The following MRPL48 variants were observed in gnomAD, a reference collection of about 807,000 sequenced individuals.
MRPL48 encodes the protein large ribosomal subunit protein mL48.
MRPL48 carries 16 observed loss-of-function variants against 32.9 expected under a neutral mutation model. The ratio of observed to expected loss-of-function variants is 0.49; its 90% CI spans 0.33 to 0.74. The LOEUF (loss-of-function observed/expected upper bound fraction) is 0.74, where lower values mean the gene tolerates loss of function less well. Ranked by LOEUF, MRPL48 falls within the 30% of genes least tolerant of loss-of-function variation. MRPL48 has a pLI of 0.02. For missense variants in MRPL48, 206 were observed against 245.3 expected, an observed-to-expected ratio of 0.84 and a Z score of 1.07; for synonymous variants, 94 against 89.2, an observed-to-expected ratio of 1.05 and a Z score of -0.31.
At chr11:73,808,900 G>A (rs1298818635) in intron 3 of MRPL48, among the ~76,000 whole-genome samples, 2 of 151,876 alleles carry the variant, frequency 1.3e-5, no homozygotes, top group East Asian at 3.9e-4. Flanking sequence ...TCCAGCCTGG[G>A]GGACAAGAGC....
At chr11:73,853,744 G>A (rs576050029) in intron 5 of MRPL48, among the ~76,000 whole-genome samples, 71 of 131,686 alleles carry the variant, frequency 5.4e-4, no homozygotes, top group Middle Eastern at 4.6e-3. Context: ...AGGCTAGAGT[G>A]CAGTGGCGCG....
Position 73,835,037 on chromosome 11 carries a change from TGCCCAG to T in MRPL48, c.201+9244_201+9249del, listed in dbSNP as rs1472722101. Among the ~76,000 whole-genome samples the T allele has an allele frequency of 3.3e-5, 5 of 151,866 alleles. No homozygotes were observed. The East Asian group carries it at 9.7e-4, about 29-fold the overall frequency. On this transcript the variant is annotated intron_variant, in intron 4 of 7. Coordinates refer to ENST00000310614, the MANE Select transcript of MRPL48 (RefSeq NM_016055.6). ...TTGTGGAGATGGGGTCTTGCCATGT[TGCCCAG>T]GCTTGTCTCAAACTTCTGGGCTCAA...
intron 5 of MRPL48, chr11:73,845,273 G>A: frequency 4.3e-6 from 1 of 233,494 alleles, no homozygotes; most frequent in Non-Finnish European, 8.2e-6. Context: ...CACACAGTAT[G>A]TAGCTGTTTG....
At chr11:73,812,087 C>T (rs571062006) in intron 3 of MRPL48, among the ~76,000 whole-genome samples, 4 of 152,176 alleles carry the variant, frequency 2.6e-5, no homozygotes, top group African/African-American at 9.6e-5. Context: ...GGGGTTTCAC[C>T]GTGTTAGCCA....
intron 4 of MRPL48, among the ~76,000 whole-genome samples, chr11:73,828,767 T>G (rs1338260969): frequency 6.6e-6 from 1 of 152,056 alleles, no homozygotes; most frequent in Non-Finnish European, 1.5e-5. Flanking sequence ...TTTTTTTTTT[T>G]TTTAAATACT....
intron 3 of MRPL48, among the ~76,000 whole-genome samples, chr11:73,813,780 G>A (rs1301096397): frequency 1.3e-5 from 2 of 151,990 alleles, no homozygotes; most frequent in East Asian, 1.9e-4. Context: ...GGTGGCTCAC[G>A]CCTGTAATCC....
chr11:73,806,083 T>G (rs1947447174), intron 2 of MRPL48, among the ~76,000 whole-genome samples: 1 of 152,114 alleles, frequency 6.6e-6, no homozygotes, highest in African/African-American at 2.4e-5. Flanking sequence ...ACCTTTGTCT[T>G]CTGTTCTTCA....
intron 4 of MRPL48, among the ~76,000 whole-genome samples, chr11:73,831,588 G>A (rs1401337629): frequency 1.2e-5 from 1 of 82,340 alleles, no homozygotes; most frequent in Non-Finnish European, 2.6e-5. Context: ...TAAAGGCCCT[G>A]CATCATTCAG....
At chr11:73,856,091 T>G (rs1470417432) in intron 5 of MRPL48, among the ~76,000 whole-genome samples, 1 of 152,174 alleles carries the variant, frequency 6.6e-6, no homozygotes, top group East Asian at 1.9e-4. Context: ...TTGGATTGAA[T>G]TCTAACAGGC....
chr11:73,858,566 C>T (rs965482350), intron 5 of MRPL48, among the ~76,000 whole-genome samples: 1 of 152,172 alleles, frequency 6.6e-6, no homozygotes, highest in Non-Finnish European at 1.5e-5. Flanking sequence ...TGAGCCACCG[C>T]GCCTGGCCTA....
At chr11:73,850,867 G>A (rs543407556) in intron 5 of MRPL48, 28 of 236,646 alleles carry the variant, frequency 1.2e-4, no homozygotes, top group African/African-American at 2.1e-4. Flanking sequence ...TGGTAGAGAC[G>A]GGGTTTCACC....
intron 3 of MRPL48, among the ~76,000 whole-genome samples, chr11:73,812,717 AATATAT>A (rs370608269): frequency 1.3e-4 from 18 of 135,560 alleles, no homozygotes; most frequent in African/African-American, 4.0e-4. Flanking sequence ...CCCATGTCTA[AATATAT>A]ATATATATAT....
intron 3 of MRPL48, among the ~76,000 whole-genome samples, chr11:73,820,900 G>A (rs577955645): frequency 4.6e-5 from 7 of 152,154 alleles, no homozygotes; most frequent in African/African-American, 1.7e-4. Flanking sequence ...TTTTTTCACA[G>A]AGGCCTTCCC....
intron 5 of MRPL48, among the ~76,000 whole-genome samples, chr11:73,850,128 T>C (rs564163986): frequency 1.3e-5 from 2 of 151,406 alleles, no homozygotes; most frequent in African/African-American, 4.8e-5. Context: ...AAATGTAGCT[T>C]AGGTAATCTG....
At chr11:73,855,199 A>G (rs756813290) in intron 5 of MRPL48, among the ~76,000 whole-genome samples, 3 of 151,938 alleles carry the variant, frequency 2.0e-5, no homozygotes, top group Non-Finnish European at 4.4e-5. Context: ...CTATTCTTCT[A>G]ACCGGTTCTC....
At chr11:73,822,387 A>T (rs1023213240) in intron 3 of MRPL48, among the ~76,000 whole-genome samples, 3 of 152,178 alleles carry the variant, frequency 2.0e-5, no homozygotes, top group African/African-American at 7.2e-5. Context: ...TAAGGTGATT[A>T]TCTGCTTTCC....
At chr11:73,794,190 A>ATCTATCTGTCTATCTG (rs57974546) in intron 1 of MRPL48, among the ~76,000 whole-genome samples, 1 of 146,680 alleles carries the variant, frequency 6.8e-6, no homozygotes, top group Admixed American at 6.8e-5. Context: ...CCCTGTATCT[A>ATCTATCTGTCTATCTG]TCTATCTATC....
At chr11:73,831,424 T>C (rs1947991463) in intron 4 of MRPL48, among the ~76,000 whole-genome samples, 1 of 152,224 alleles carries the variant, frequency 6.6e-6, no homozygotes, top group African/African-American at 2.4e-5. Flanking sequence ...CCTTTGCACA[T>C]GCTCTTTCCT....
chr11:73,788,446 T>TA (rs1277238921), intron 1 of MRPL48, among the ~76,000 whole-genome samples: 1 of 151,232 alleles, frequency 6.6e-6, no homozygotes, highest in Admixed American at 6.6e-5. Flanking sequence ...ACAGCAGTAA[T>TA]AAACTAGGTT....
Sources: allele counts gnomAD v4.1 joint callset (sites outside exome capture counted in the v4.1 genomes callset), GRCh38; gene constraint gnomAD v4.1.1; transcripts MANE v1.5; gene names NCBI Gene and HGNC (gene_info 2026-07-23, HGNC 2026-07-21).